The following LRTM3 variants were observed in gnomAD, a reference collection of about 807,000 sequenced individuals.
LRTM3 encodes leucine rich repeat transmembrane protein 3, also known as leucine-rich repeat transmembrane protein 3.
chr13:102,755,953 ATATATATAT>A, the LRTM3 span, among the ~76,000 whole-genome samples: 1 of 32,564 alleles, frequency 3.1e-5, no homozygotes, highest in African/African-American at 6.8e-5. Flanking sequence ...ATATATATAT[ATATATATAT>A]TTTTTTTTTT....
At chr13:102,744,085 T>A in the LRTM3 span, 1 of 1,550,578 alleles carries the variant, frequency 6.4e-7, no homozygotes, top group Non-Finnish European at 8.7e-7. Flanking sequence ...CACTGAGTAA[T>A]GCCTCTCCTA....
chr13:102,738,238 T>C, the LRTM3 span: 417 of 1,551,032 alleles, frequency 2.7e-4, 4 homozygotes, highest in South Asian at 4.8e-3. Flanking sequence ...CTTCTTTCTG[T>C]TGCATGTAAT....
chr13:102,746,757 C>T, the LRTM3 span: 1 of 1,551,014 alleles, frequency 6.4e-7, no homozygotes, highest in Non-Finnish European at 8.7e-7. Context: ...AAACAGTAAC[C>T]CATTTCTCTT....
chr13:102,743,887 C>T, the LRTM3 span: 1 of 1,550,622 alleles, frequency 6.4e-7, no homozygotes, highest in Non-Finnish European at 8.7e-7. Flanking sequence ...ATAAAACAGG[C>T]ATGAAGAAAT....
the LRTM3 span, chr13:102,748,234 T>C: frequency 4.5e-6 from 7 of 1,551,134 alleles, no homozygotes; most frequent in African/African-American, 6.8e-5. Flanking sequence ...CAGTGTTGCA[T>C]TCCAGTTCCT....
At chr13:102,748,146 G>C in the LRTM3 span, 1 of 1,550,988 alleles carries the variant, frequency 6.4e-7, no homozygotes, top group Admixed American at 2.0e-5. Flanking sequence ...TCAGGTAGTT[G>C]AGAAATGGTA....
the LRTM3 span, chr13:102,732,726 C>G: frequency 6.4e-7 from 1 of 1,551,234 alleles, no homozygotes; most frequent in South Asian, 1.2e-5. Flanking sequence ...TCCAGATTGG[C>G]AGTCCTGGCC....
chr13:102,758,292 T>G, the LRTM3 span: 1 of 632,760 alleles, frequency 1.6e-6, no homozygotes, highest in Non-Finnish European at 2.7e-6. Flanking sequence ...GATTGAATCA[T>G]GATATTGAAC....
chr13:102,756,292 T>G, the LRTM3 span, among the ~76,000 whole-genome samples: 1 of 141,020 alleles, frequency 7.1e-6, no homozygotes, highest in Non-Finnish European at 1.5e-5. Flanking sequence ...TAAGAGGTAA[T>G]TCTTCTAATC....
chr13:102,750,495 A>G, the LRTM3 span: 1 of 641,958 alleles, frequency 1.6e-6, no homozygotes, highest in Non-Finnish European at 2.5e-6. Flanking sequence ...ACAGATCAGC[A>G]TAGAGATAAA....
chr13:102,733,020 T>G, the LRTM3 span: 1 of 1,551,300 alleles, frequency 6.4e-7, no homozygotes, highest in Non-Finnish European at 8.7e-7. Flanking sequence ...GCAGGGTCAA[T>G]CTCTGTCATA....
the LRTM3 span, chr13:102,730,456 T>G: frequency 6.4e-7 from 1 of 1,551,276 alleles, no homozygotes; most frequent in Non-Finnish European, 8.7e-7. Flanking sequence ...TCTGGGTCCT[T>G]AAATCAACAG....
the LRTM3 span, chr13:102,738,544 C>T: frequency 1.9e-6 from 3 of 1,550,786 alleles, no homozygotes; most frequent in Non-Finnish European, 2.6e-6. Flanking sequence ...TCATTTTCTT[C>T]AAAGCCCTAA....
chr13:102,758,817 G>A, the LRTM3 span: 19 of 1,549,320 alleles, frequency 1.2e-5, no homozygotes, highest in Non-Finnish European at 1.5e-5. Context: ...AAAGAAAATT[G>A]CCACCCAATC....
chr13:102,730,930 A>C, the LRTM3 span: 2 of 1,551,390 alleles, frequency 1.3e-6, no homozygotes, highest in Admixed American at 2.0e-5. Context: ...AACCAGGATG[A>C]ATACAGTTAG....
the LRTM3 span, chr13:102,735,550 C>T: frequency 6.4e-7 from 1 of 1,551,054 alleles, no homozygotes; most frequent in Non-Finnish European, 8.7e-7. Context: ...TACTTTTCCA[C>T]TGCAATTTTT....
the LRTM3 span, chr13:102,749,158 T>A: frequency 6.4e-7 from 1 of 1,550,678 alleles, no homozygotes; most frequent in Non-Finnish European, 8.7e-7. Flanking sequence ...TCCTATTTTT[T>A]AAAGTGTGAC....
the LRTM3 span, chr13:102,733,161 T>C: frequency 6.4e-7 from 1 of 1,551,492 alleles, no homozygotes; most frequent in Non-Finnish European, 8.7e-7. Flanking sequence ...TTCGTCCTGG[T>C]CTTGTGCCCA....
At chr13:102,732,247 G>A in the LRTM3 span, 46 of 1,551,242 alleles carry the variant, frequency 3.0e-5, 1 homozygote, top group African/African-American at 4.5e-4. Context: ...AACGCATGAT[G>A]GAAATAGAAA....
Sources: gnomAD v4.1 joint callset for allele counts (sites outside exome capture counted in the v4.1 genomes callset) on GRCh38, gnomAD v4.1.1 for gene constraint, MANE v1.5 for transcripts, NCBI Gene and HGNC (gene_info 2026-07-23, HGNC 2026-07-21) for gene names.